Variants in C1D observed in about 807,000 individuals in gnomAD.
The protein encoded by C1D is nuclear nucleic acid-binding protein C1D.
A neutral mutation model predicts 17.5 loss-of-function variants in C1D; 10 were observed. That is an observed-to-expected ratio of 0.57 (90% CI 0.35 to 0.97). The LOEUF (loss-of-function observed/expected upper bound fraction) is 0.97. Among genes scored for constraint, C1D ranks in the 50% least tolerant of loss-of-function variants. The pLI is 0.01. For synonymous variants in C1D, 49 were observed against 54.0 expected (o/e 0.91, Z 0.40); for missense variants, 136 against 160.1 (o/e 0.85, Z 0.81).
rs572723943 is a variant in C1D, at chr2:68,057,674, G to A, written c.-10+5284C>T. ...TGTAACATATTATAATAATACTTAA[G>A]TTTATAAATAAAAACTTCGATCATC... On this transcript the variant is annotated intron_variant, in intron 1 of 4. Transcript: ENST00000410067. Among the ~76,000 whole-genome samples, 33 of 152,146 alleles carry A rather than the reference G, an allele frequency of 2.2e-4. No homozygotes were observed. The East Asian group carries it at 3.3e-3, about 15-fold the overall frequency.
At position 68,042,894 on chromosome 2, in the gene C1D, TTTTAC is replaced by T; in HGVS notation, c.416_420del (p.Ser139LysfsTer7). 6.6e-7 allele frequency: 1 copy of T among 1,506,124 alleles called. No homozygotes were observed. The highest frequency in any genetic ancestry group is 9.0e-7 in the Non-Finnish European group (1 of 1,114,342). The allele number at this position is 1,506,124 out of a possible 1,614,324, so 93.3% of individuals were successfully genotyped here. On this transcript the variant is annotated frameshift_variant, in exon 5 of 5. Transcript: ENST00000410067. LOFTEE classifies it high-confidence loss of function. ...TGTACATCAAAACCAAAAAGTTAAC[TTTTAC>T]TTTTTCCTTTATTGGCAACTTTTGA... is the stretch of plus-strand genomic sequence containing the variant.
chr2:68,061,528 GCAAAAT>G (rs1671627475), intron 1 of C1D, among the ~76,000 whole-genome samples: 1 of 152,052 alleles, frequency 6.6e-6, no homozygotes, highest in East Asian at 1.9e-4. Flanking sequence ...CAATCAAGCA[GCAAAAT>G]TACCTTCCAA....
chr2:68,042,497 T>A lies in C1D; in HGVS notation c.*392A>T, dbSNP rs1670986898. 1 of 156,350 alleles carries A rather than the reference T, an allele frequency of 6.4e-6. No individual in the cohort carries two copies. The highest frequency in any genetic ancestry group is 2.4e-5 in the African/African-American group (1 of 41,480). The allele number at this position is 156,350 out of a possible 1,614,324, so 9.7% of individuals were successfully genotyped here. A position where few individuals can be genotyped will look rare whatever the true frequency, so the allele number is the denominator to read the frequency against. On this transcript the variant is annotated 3_prime_UTR_variant, in exon 5 of 5. Coordinates refer to ENST00000410067, the MANE Select transcript of C1D (RefSeq NM_173177.3). ...CTTAATATCATATAGTGAAAACAGA[T>A]GTACCTATAATTTCAGCCTACAGAT...
chr2:68,043,193 G>C, intron 4 of C1D, 140 bp from the exon 5 acceptor site: 1 of 606,816 alleles, frequency 1.6e-6, no homozygotes, highest in Non-Finnish European at 2.8e-6. Flanking sequence ...AAATGCAAAT[G>C]AATAGGATAA....
chr2:68,049,097 T>C (rs939803075), intron 1 of C1D, among the ~76,000 whole-genome samples: 1 of 151,788 alleles, frequency 6.6e-6, no homozygotes, highest in Non-Finnish European at 1.5e-5. Flanking sequence ...CTTGGGAGTC[T>C]GAGGCAGGAG....
intron 1 of C1D, among the ~76,000 whole-genome samples, chr2:68,057,498 A>C (rs1671473381): frequency 6.6e-6 from 1 of 152,164 alleles, no homozygotes; most frequent in Non-Finnish European, 1.5e-5. Flanking sequence ...ATGAATGTGG[A>C]GGCATATTTG....
rs375538635 is a variant in C1D, at chr2:68,052,104, G to A, written c.-9-4785C>T. ...ATATTACATGTCTTCTAAAAATAAAGAAGTAAATCTATATATAGTGACACA... is the reference window on the plus strand; with the variant it reads ...ATATTACATGTCTTCTAAAAATAAAAAAGTAAATCTATATATAGTGACACA... On this transcript the variant is annotated intron_variant, in intron 1 of 4. Transcript: ENST00000410067. 3.8e-4 allele frequency among the ~76,000 whole-genome samples: 58 copies of A among 151,948 alleles called. 1 individual carries two copies. In the South Asian group the frequency reaches 9.6e-3, roughly 25 times the overall value.
rs996112433 is a variant in C1D, at chr2:68,042,556, T to C, written c.*333A>G. On this transcript the variant is annotated 3_prime_UTR_variant, in exon 5 of 5. Transcript: ENST00000410067. ...TCATAAGGTCATTATTCATTTAAAA[T>C]AGTACAAATGTTTACAAAGAACATT... 5.8e-6 allele frequency: 1 copy of C among 173,636 alleles called. No individual in the cohort carries two copies. Among genetic ancestry groups the C allele is most frequent in the Admixed American group, 5.8e-5 (1 of 17,308 alleles). 10.8% of individuals were successfully genotyped at this position (173,636 alleles called of 1,614,324 possible). A position where few individuals can be genotyped will look rare whatever the true frequency, so the allele number is the denominator to read the frequency against.
chr2:68,057,299 C>A (rs1256018253), intron 1 of C1D, among the ~76,000 whole-genome samples: 1 of 150,822 alleles, frequency 6.6e-6, no homozygotes. Flanking sequence ...TTACAGGCGT[C>A]CACCACACCT....
At position 68,043,086 on chromosome 2, in the gene C1D, C is replaced by G. The variant is rs531694522; in HGVS notation, c.262-33G>C. The stretch of plus-strand genomic sequence containing the variant: ...ATAAAAAACAAAGGCAATAGATTTA[C>G]TAAGCTATTCGCCACCACTGAATTT... On this transcript the variant is annotated intron_variant, in intron 4 of 4. Transcript: ENST00000410067. The G allele has an allele frequency of 5.4e-6, 8 of 1,492,848 alleles. No individual in the cohort carries two copies. In the South Asian group the frequency reaches 9.9e-5, roughly 18 times the overall value. 92.5% of individuals were successfully genotyped at this position (1,492,848 alleles called of 1,614,324 possible). A position where few individuals can be genotyped will look rare whatever the true frequency, so the allele number is the denominator to read the frequency against.
intron 4 of C1D, 82 bp from the exon 5 acceptor site, chr2:68,043,135 A>C: frequency 9.8e-7 from 1 of 1,025,060 alleles, no homozygotes; most frequent in South Asian, 1.7e-5. Context: ...ACCTTGGTTA[A>C]ATTCAACATA....
chr2:68,041,435 A>G lies in C1D; in HGVS notation c.*1454T>C, dbSNP rs1670956103. On this transcript the variant is annotated 3_prime_UTR_variant, in exon 5 of 5. Transcript: ENST00000410067. ...CACAAAGACAGGTACACTACACTTG[A>G]TCTTAACAGTAACACATTTCTCTCA... The G allele has an allele frequency of 6.6e-6, 1 of 152,048 alleles. No homozygotes were observed. Among genetic ancestry groups the G allele is most frequent in the Non-Finnish European group, 1.5e-5 (1 of 67,870 alleles). 9.4% of individuals were successfully genotyped at this position (152,048 alleles called of 1,614,324 possible). A position where few individuals can be genotyped will look rare whatever the true frequency, so the allele number is the denominator to read the frequency against.
At chr2:68,056,883 A>C (rs1332794994) in intron 1 of C1D, among the ~76,000 whole-genome samples, 1 of 152,210 alleles carries the variant, frequency 6.6e-6, no homozygotes, top group Non-Finnish European at 1.5e-5. Flanking sequence ...ATATGTACAC[A>C]TGCTTTGACC....
At chr2:68,046,086 A>C in intron 3 of C1D, 43 bp from the exon 4 acceptor site, 4 of 1,313,692 alleles carry the variant, frequency 3.0e-6, no homozygotes, top group Non-Finnish European at 4.2e-6. Flanking sequence ...TGAATGTATT[A>C]ATTTAAAACA....
intron 1 of C1D, among the ~76,000 whole-genome samples, chr2:68,052,027 A>G (rs1671297526): frequency 1.3e-5 from 2 of 152,150 alleles, no homozygotes; most frequent in African/African-American, 4.8e-5. Flanking sequence ...TAATCTAGAT[A>G]TTCATCGACA....
chr2:68,046,158 A>T, intron 3 of C1D, 115 bp from the exon 4 acceptor site: 2 of 866,354 alleles, frequency 2.3e-6, no homozygotes, highest in Non-Finnish European at 3.6e-6. Context: ...TTAAACTTTA[A>T]ATTATTCAAT....
chr2:68,053,048 G>A (rs1362021930), intron 1 of C1D: 7 of 1,548,880 alleles, frequency 4.5e-6, no homozygotes, highest in South Asian at 1.2e-5. Context: ...TTCCAAAGAA[G>A]AAAAGAACTC....
intron 4 of C1D, among the ~76,000 whole-genome samples, chr2:68,043,975 T>C (rs1174170698): frequency 6.6e-6 from 1 of 152,234 alleles, no homozygotes; most frequent in African/African-American, 2.4e-5. Context: ...TTTGCCCTGC[T>C]TATTCCTCTG....
In C1D at chr2:68,042,960, T is replaced by C; in HGVS notation, c.355A>G (p.Lys119Glu). The C allele has an allele frequency of 6.2e-7, 1 of 1,611,484 alleles. No homozygotes were observed. Among genetic ancestry groups the C allele is most frequent in the East Asian group, 2.2e-5 (1 of 44,830 alleles). ...LDRGAASRFV[K>E]NALWEPKSKN... ...GATTTTGGTTCCCAGAGGGCATTTT[T>C]TACAAATCTTGAAGCTGCACCTCTG... The change falls in exon 5 of 5, where the codon AAA becomes GAA. Residue 119 changes from lysine to glutamate, a missense_variant. By Grantham distance (56) the Lys-to-Glu change is moderately conservative. Transcript: ENST00000410067.
Sources: allele counts gnomAD v4.1 joint callset (sites outside exome capture counted in the v4.1 genomes callset), GRCh38; gene constraint gnomAD v4.1.1; transcripts MANE v1.5; gene names NCBI Gene and HGNC (gene_info 2026-07-23, HGNC 2026-07-21).